EVL: variants seen among roughly 807,000 people sequenced by gnomAD.
EVL encodes ena/VASP-like protein.
Under a neutral mutation model 59.6 loss-of-function variants are expected in EVL, and 21 were observed. That is an observed-to-expected ratio of 0.35 (90% CI 0.25 to 0.51). The LOEUF (loss-of-function observed/expected upper bound fraction) is 0.51, where lower values mean the gene tolerates loss of function less well. EVL is among the 20% of genes least tolerant of loss of function. The pLI, the probability that EVL is intolerant of heterozygous loss-of-function variation, is 0.97. For missense variants in EVL, 462 were observed against 546.6 expected (o/e 0.85, Z 1.54); for synonymous variants, 198 against 203.5 (o/e 0.97, Z 0.23).
chr14:100,109,617 G>A lies in EVL; in HGVS notation c.358+11959G>A. 1.9e-6 allele frequency: 1 copy of A among 513,538 alleles called. No individual in the cohort carries two copies. Among genetic ancestry groups the A allele is most frequent in the South Asian group, 1.5e-5 (1 of 68,228 alleles). The allele number at this position is 513,538 out of a possible 1,614,324, so 31.8% of individuals were successfully genotyped here. On this transcript the variant is annotated intron_variant, in intron 3 of 13. Coordinates refer to ENST00000392920, the MANE Select transcript of EVL (RefSeq NM_016337.3). This position sits in a 1 kb window ranked among gnomAD's most constrained non-coding sequence, Gnocchi z 4.3. Reference sequence around the variant, plus strand: ...TGCATCCTTCTCTGCAGACTAAGATGGAGTTCCTGAACCAAGACCGCTTGC... The same window carrying A: ...TGCATCCTTCTCTGCAGACTAAGATAGAGTTCCTGAACCAAGACCGCTTGC...
chr14:100,071,754 G>T (rs1389182357), intron 1 of EVL, among the ~76,000 whole-genome samples: 1 of 152,170 alleles, frequency 6.6e-6, no homozygotes, highest in Non-Finnish European at 1.5e-5. Flanking sequence ...CCCTGGTAGA[G>T]AGGAGGGGCT....
chr14:100,051,818 A>G (rs1383650472), intron 1 of EVL, among the ~76,000 whole-genome samples: 1 of 152,144 alleles, frequency 6.6e-6, no homozygotes, highest in African/African-American at 2.4e-5. Context: ...TTCCAGGCCA[A>G]TGTCGATCTG....
At chr14:100,056,868 C>A (rs1326492547) in intron 1 of EVL, among the ~76,000 whole-genome samples, 5 of 152,116 alleles carry the variant, frequency 3.3e-5, no homozygotes, top group Non-Finnish European at 2.9e-5. Context: ...TGAACACACA[C>A]CATGTACCAA....
At position 100,042,949 on chromosome 14, in the gene EVL, C is replaced by T. The variant is rs1178140838; in HGVS notation, c.6-41738C>T. Among the ~76,000 whole-genome samples the T allele has an allele frequency of 2.6e-5, 4 of 152,166 alleles. No individual in the cohort carries two copies. The East Asian group carries it at 7.7e-4, about 29-fold the overall frequency. ...GTCTGGTGGATAACAGTGTGGGGAT[C>T]GACTGTCTCAAGGCCACCTGAGATA... On this transcript the variant is annotated intron_variant, in intron 1 of 13. Coordinates refer to the EVL transcript ENST00000402714.
At chr14:100,024,935 C>T (rs886991257) in intron 1 of EVL, among the ~76,000 whole-genome samples, 3 of 152,030 alleles carry the variant, frequency 2.0e-5, no homozygotes, top group African/African-American at 4.8e-5. Context: ...CTCCACATCT[C>T]GTCTCTCATC....
chr14:100,070,744 A>G (rs866980018), intron 1 of EVL, among the ~76,000 whole-genome samples: 6 of 152,216 alleles, frequency 3.9e-5, no homozygotes, highest in Non-Finnish European at 8.8e-5. Flanking sequence ...GGAGCTGAAC[A>G]TACTGTCCCA....
At chr14:100,048,041 C>G (rs780712981) in intron 1 of EVL, among the ~76,000 whole-genome samples, 7 of 152,182 alleles carry the variant, frequency 4.6e-5, no homozygotes, top group Admixed American at 4.6e-4. Flanking sequence ...TTGAGACAAT[C>G]TTCATGACCT....
chr14:99,998,614 TA>T (rs1158473953), intron 1 of EVL, among the ~76,000 whole-genome samples: 1 of 152,204 alleles, frequency 6.6e-6, no homozygotes, highest in Non-Finnish European at 1.5e-5. Context: ...AAATAAAGAA[TA>T]AATCATCTGA....
At chr14:100,079,384 T>A (rs1427791070) in intron 1 of EVL, among the ~76,000 whole-genome samples, 1 of 152,194 alleles carries the variant, frequency 6.6e-6, no homozygotes, top group Non-Finnish European at 1.5e-5. Context: ...TAACAATTAT[T>A]CATGTCTACA....
intron 2 of EVL, among the ~76,000 whole-genome samples, chr14:100,087,418 A>G (rs1389056681): frequency 6.6e-6 from 1 of 152,194 alleles, no homozygotes; most frequent in Non-Finnish European, 1.5e-5. Context: ...GTTCCAGACC[A>G]GCCTGGGCAA....
intron 3 of EVL, chr14:100,102,465 A>G (rs1886283000): frequency 4.6e-6 from 2 of 436,030 alleles, no homozygotes; most frequent in Admixed American, 2.4e-5. Flanking sequence ...AGGAGTTGTT[A>G]TTGTTATTCG....
chr14:100,060,348 G>A (rs1346979006), intron 1 of EVL, among the ~76,000 whole-genome samples: 1 of 150,822 alleles, frequency 6.6e-6, no homozygotes, highest in Non-Finnish European at 1.5e-5. Context: ...GGAGAATGGC[G>A]TGAACCCGGG....
chr14:100,025,228 A>G (rs552691443), intron 1 of EVL, among the ~76,000 whole-genome samples: 2 of 152,256 alleles, frequency 1.3e-5, no homozygotes, highest in East Asian at 1.9e-4. Flanking sequence ...AGCTCCTTTA[A>G]TGGCTTACCA....
At chr14:100,053,909 A>C (rs527697473) in intron 1 of EVL, among the ~76,000 whole-genome samples, 2 of 151,840 alleles carry the variant, frequency 1.3e-5, no homozygotes, top group African/African-American at 4.8e-5. Flanking sequence ...AGCCTCCCAA[A>C]GTGTTGAGAA....
chr14:100,016,690 C>T (rs1256648915), intron 1 of EVL, among the ~76,000 whole-genome samples: 1 of 152,228 alleles, frequency 6.6e-6, no homozygotes, highest in Non-Finnish European at 1.5e-5. Context: ...GAGTCACGGA[C>T]CCTCACTTAT....
chr14:100,141,865 T>TG, intron 13 of EVL, 72 bp downstream of exon 13: 1 of 1,457,716 alleles, frequency 6.9e-7, no homozygotes. Flanking sequence ...TCACCCAGGC[T>TG]GGGGGCCTCC....
intron 2 of EVL, among the ~76,000 whole-genome samples, chr14:100,085,727 G>C (rs1190528678): frequency 6.6e-6 from 1 of 152,184 alleles, no homozygotes; most frequent in East Asian, 1.9e-4. Flanking sequence ...TCTGTTTTTA[G>C]TGTGTTGCCT....
At chr14:100,122,107 A>G (rs1463030583) in intron 3 of EVL, among the ~76,000 whole-genome samples, 1 of 152,180 alleles carries the variant, frequency 6.6e-6, no homozygotes, top group African/African-American at 2.4e-5. Context: ...AACGCCAGGA[A>G]TCCCTCCCGC....
rs534455687 is a variant in EVL at position 100,005,181 on chromosome 14, A to G, written c.5+33124A>G. Among the ~76,000 whole-genome samples the G allele has an allele frequency of 1.2e-3, 189 of 152,322 alleles. 2 individuals carry two copies. The highest frequency in any genetic ancestry group is 6.8e-3 in the Middle Eastern group (2 of 294). On this transcript the variant is annotated intron_variant, in intron 1 of 13. Transcript: ENST00000402714. ...CTTGTTCATTGCTGAGCATAGGCCA[A>G]ACTAACTTTGGGAGGAACTTAGTTT...
Sources: allele counts gnomAD v4.1 joint callset (sites outside exome capture counted in the v4.1 genomes callset), GRCh38; gene constraint gnomAD v4.1.1; non-coding constraint Gnocchi (gnomAD v3.1); transcripts MANE v1.5; gene names NCBI Gene and HGNC (gene_info 2026-07-23, HGNC 2026-07-21).